Variants in NTM observed in about 807,000 individuals in gnomAD.
NTM encodes IgLON family member 2.
Under a neutral mutation model 42.1 loss-of-function variants are expected in NTM, and 13 were observed. The observed-to-expected ratio is 0.31, with a 90% CI of 0.20 to 0.49. NTM has a LOEUF of 0.49. Among genes scored for constraint, NTM ranks in the 20% least tolerant of loss-of-function variants. The probability of loss-of-function intolerance (pLI) is 0.99; values close to 1 mark genes in which losing one functional copy is unlikely to be tolerated. For synonymous variants in NTM, 187 were observed against 179.2 expected (o/e 1.04, Z -0.35); for missense variants, 373 against 452.8 (o/e 0.82, Z 1.60).
In NTM at chr11:132,129,267, G is replaced by A. The variant is rs184198643; in HGVS notation, c.168-17015G>A. 2.5e-3 allele frequency among the ~76,000 whole-genome samples: 382 copies of A among 152,248 alleles called. 2 individuals are homozygous for A. The highest frequency in any genetic ancestry group is 2.7e-3 in the Non-Finnish European group (182 of 68,024). On this transcript the variant is annotated intron_variant, in intron 2 of 8. Transcript: ENST00000683400. ...TTGTATAGTGCATACAGCTGTGTAC[G>A]TATTGTTACTATTGATGCTCTAAGT...
chr11:131,504,005 C>T (rs943266263), intron 1 of NTM, among the ~76,000 whole-genome samples: 1 of 152,166 alleles, frequency 6.6e-6, no homozygotes, highest in African/African-American at 2.4e-5. Flanking sequence ...AGTCCAAAGA[C>T]ATGGCCTTAT....
chr11:132,138,788 C>G (rs530901630), intron 2 of NTM, among the ~76,000 whole-genome samples: 107 of 152,220 alleles, frequency 7.0e-4, no homozygotes, highest in African/African-American at 1.7e-3. Flanking sequence ...TCATTCTGTC[C>G]AGACCCTCAG....
chr11:132,239,981 A>G lies in NTM; in HGVS notation c.526+27834A>G, dbSNP rs1480744046. ...CATCCAACCACCCATCCATCCATCC[A>G]TCCATCATCCATCCATCCATTCATC... On this transcript the variant is annotated intron_variant, in intron 4 of 8. Coordinates refer to ENST00000683400, the MANE Select transcript of NTM (RefSeq NM_001352005.2). 1.3e-5 allele frequency among the ~76,000 whole-genome samples: 2 copies of G among 150,502 alleles called. 1 individual carries two copies. The highest frequency in any genetic ancestry group is 4.2e-4 in the South Asian group (2 of 4,724).
intron 1 of NTM, among the ~76,000 whole-genome samples, chr11:131,524,773 A>C (rs995571375): frequency 1.3e-5 from 2 of 152,204 alleles, no homozygotes; most frequent in Non-Finnish European, 2.9e-5. Context: ...AGGAATGAAC[A>C]GAGGGACAAT....
At chr11:132,306,183 T>G (rs1434703267) in intron 4 of NTM, 1 of 152,172 alleles carries the variant, frequency 6.6e-6, no homozygotes, top group Non-Finnish European at 1.5e-5. Flanking sequence ...GCTGTTGTTA[T>G]TGTTATTGTG....
chr11:131,526,457 G>T (rs745370240), intron 1 of NTM, among the ~76,000 whole-genome samples: 10 of 152,190 alleles, frequency 6.6e-5, no homozygotes, highest in Non-Finnish European at 1.5e-4. Context: ...GAATAATTAA[G>T]AGAAGGTAAA....
chr11:132,309,409 G>A (rs979212353), intron 5 of NTM, among the ~76,000 whole-genome samples: 8 of 152,164 alleles, frequency 5.3e-5, no homozygotes, highest in Admixed American at 5.2e-4. Flanking sequence ...GCTTTTGATG[G>A]GAATTGAATA....
Position 131,671,065 on chromosome 11 carries a change from A to T in NTM, c.83-240499A>T, listed in dbSNP as rs60473143. ...CCTCCCTTCTCTGTTTCCTGCCCCCATCATCTTTCTTCTGACCCTTCCTCC... is the reference window on the plus strand; with the variant it reads ...CCTCCCTTCTCTGTTTCCTGCCCCCTTCATCTTTCTTCTGACCCTTCCTCC... On this transcript the variant is annotated intron_variant, in intron 1 of 8. Transcript: ENST00000683400. Among the ~76,000 whole-genome samples, 235 of 151,730 alleles carry T rather than the reference A, an allele frequency of 1.5e-3. 8 individuals are homozygous for T. In the East Asian group the frequency reaches 0.042, roughly 27 times the overall value.
At chr11:132,000,002 C>T (rs1172984219) in intron 2 of NTM, among the ~76,000 whole-genome samples, 3 of 151,784 alleles carry the variant, frequency 2.0e-5, no homozygotes, top group Non-Finnish European at 4.4e-5. Context: ...TCTTTTTTCC[C>T]CTTCCACCTA....
chr11:131,955,305 A>AAC (rs1245860856), intron 2 of NTM, among the ~76,000 whole-genome samples: 2 of 152,062 alleles, frequency 1.3e-5, no homozygotes, highest in African/African-American at 4.8e-5. Context: ...TGGAATAGTA[A>AAC]TGAGTTTGAA....
intron 4 of NTM, among the ~76,000 whole-genome samples, chr11:132,295,108 CCTCT>C (rs147791924): frequency 1.3e-4 from 19 of 149,116 alleles, no homozygotes; most frequent in Non-Finnish European, 1.9e-4. Flanking sequence ...TGAATCCAGC[CCTCT>C]CTCTCTCTCT....
intron 1 of NTM, among the ~76,000 whole-genome samples, chr11:131,487,224 G>T (rs556245006): frequency 2.1e-4 from 32 of 152,262 alleles, no homozygotes; most frequent in African/African-American, 7.0e-4. Context: ...TTAAACTCTT[G>T]TTATAGCCTC....
intron 2 of NTM, among the ~76,000 whole-genome samples, chr11:131,959,288 G>T (rs181868719): frequency 6.6e-6 from 1 of 152,126 alleles, no homozygotes; most frequent in East Asian, 1.9e-4. Flanking sequence ...CATGGAGGGA[G>T]ACACCATTTC....
intron 1 of NTM, among the ~76,000 whole-genome samples, chr11:131,477,226 T>C (rs1041855123): frequency 1.3e-5 from 2 of 152,008 alleles, no homozygotes; most frequent in Admixed American, 6.6e-5. Flanking sequence ...ATCCTAGTCA[T>C]AACAAATCTC....
intron 1 of NTM, among the ~76,000 whole-genome samples, chr11:131,729,070 GA>G (rs2079307268): frequency 6.6e-6 from 1 of 152,204 alleles, no homozygotes; most frequent in Non-Finnish European, 1.5e-5. Context: ...AGGCTATATG[GA>G]TTTGAAATCT....
At chr11:132,182,782 T>C (rs1327934941) in intron 3 of NTM, among the ~76,000 whole-genome samples, 1 of 152,190 alleles carries the variant, frequency 6.6e-6, no homozygotes, top group Non-Finnish European at 1.5e-5. Context: ...ACAAAGCATA[T>C]AAACTTCTCT....
At chr11:131,416,425 T>C (rs1235739735) in intron 1 of NTM, among the ~76,000 whole-genome samples, 3 of 152,336 alleles carry the variant, frequency 2.0e-5, no homozygotes, top group African/African-American at 7.2e-5. Context: ...ATGAAAATCT[T>C]TGTCAAACAC....
At chr11:131,779,712 G>T (rs543568141) in intron 1 of NTM, among the ~76,000 whole-genome samples, 1 of 152,214 alleles carries the variant, frequency 6.6e-6, no homozygotes, top group East Asian at 1.9e-4. Context: ...TGCAACTCAG[G>T]GCAAGTGTTG....
chr11:131,519,904 G>T (rs1391124632), intron 1 of NTM, among the ~76,000 whole-genome samples: 2 of 150,002 alleles, frequency 1.3e-5, no homozygotes, highest in East Asian at 3.9e-4. Context: ...TTACTTTCAG[G>T]TCTTCATAGG....
Sources: allele counts gnomAD v4.1 joint callset (sites outside exome capture counted in the v4.1 genomes callset), GRCh38; gene constraint gnomAD v4.1.1; transcripts MANE v1.5; gene names NCBI Gene and HGNC (gene_info 2026-07-23, HGNC 2026-07-21).